Variants in PCDH9 observed in about 807,000 individuals in gnomAD.
PCDH9 encodes the protein protocadherin 9, also known as protocadherin-9.
PCDH9 carries 24 observed loss-of-function variants against 70.6 expected under a neutral mutation model. The observed-to-expected ratio is 0.34, with a 90% CI of 0.25 to 0.48. The LOEUF (loss-of-function observed/expected upper bound fraction) is 0.48. PCDH9 is among the 20% of genes least tolerant of loss of function. The pLI is 0.99. For missense variants in PCDH9, 1,281 were observed against 1,503.6 expected, an observed-to-expected ratio of 0.85 and a Z score of 2.45; for synonymous variants, 562 against 558.5, an observed-to-expected ratio of 1.01 and a Z score of -0.09.
chr13:66,324,154 C>G (rs1955801361), intron 4 of PCDH9, among the ~76,000 whole-genome samples: 1 of 151,850 alleles, frequency 6.6e-6, no homozygotes, highest in Non-Finnish European at 1.5e-5. Context: ...TACTGTAGAC[C>G]AAGACAGCAA....
intron 2 of PCDH9, among the ~76,000 whole-genome samples, chr13:66,960,446 C>G (rs1193351580): frequency 1.3e-5 from 2 of 152,036 alleles, no homozygotes; most frequent in Admixed American, 6.5e-5. Flanking sequence ...ATAAAAAATT[C>G]ATGATGGAAA....
intron 2 of PCDH9, among the ~76,000 whole-genome samples, chr13:66,967,391 G>A (rs993882455): frequency 6.6e-6 from 1 of 151,984 alleles, no homozygotes. Flanking sequence ...AAATTTGAAA[G>A]TTAGTTCCTC....
chr13:66,730,897 T>TTTTG (rs1555262884), intron 3 of PCDH9, among the ~76,000 whole-genome samples: 77 of 129,112 alleles, frequency 6.0e-4, no homozygotes, highest in South Asian at 1.2e-3. Flanking sequence ...GTTTGTTTCT[T>TTTTG]TTTTTTTGTG....
At chr13:66,934,001 T>C (rs2082861703) in intron 2 of PCDH9, among the ~76,000 whole-genome samples, 1 of 151,724 alleles carries the variant, frequency 6.6e-6, no homozygotes, top group African/African-American at 2.4e-5. Context: ...AATTAATCAA[T>C]TTTTCAATGT....
At chr13:66,395,746 A>G (rs1301762033) in intron 4 of PCDH9, among the ~76,000 whole-genome samples, 1 of 152,192 alleles carries the variant, frequency 6.6e-6, no homozygotes, top group Non-Finnish European at 1.5e-5. Context: ...AAACCAAAAC[A>G]TCATTATGCA....
intron 3 of PCDH9, among the ~76,000 whole-genome samples, chr13:66,811,806 C>A (rs2080513079): frequency 6.6e-6 from 1 of 150,774 alleles, no homozygotes; most frequent in African/African-American, 2.4e-5. Context: ...CTCCTTCTTT[C>A]CTTCTTCCTT....
intron 3 of PCDH9, among the ~76,000 whole-genome samples, chr13:66,651,820 G>T (rs189264465): frequency 3.3e-4 from 50 of 152,166 alleles, no homozygotes; most frequent in Non-Finnish European, 6.3e-4. Flanking sequence ...TTATGACCCA[G>T]TGAGATTTAT....
chr13:67,041,200 C>T (rs1185769860), intron 2 of PCDH9, among the ~76,000 whole-genome samples: 1 of 151,920 alleles, frequency 6.6e-6, no homozygotes, highest in Non-Finnish European at 1.5e-5. Flanking sequence ...GATTTGCATC[C>T]CAGGAGAGAT....
chr13:67,027,680 G>T (rs1295355165), intron 2 of PCDH9, among the ~76,000 whole-genome samples: 2 of 149,952 alleles, frequency 1.3e-5, no homozygotes, highest in Non-Finnish European at 3.0e-5. Flanking sequence ...CTGACAAAGG[G>T]CTAATATCCA....
intron 3 of PCDH9, among the ~76,000 whole-genome samples, chr13:66,721,126 A>G (rs2078936317): frequency 6.6e-6 from 1 of 152,220 alleles, no homozygotes; most frequent in African/African-American, 2.4e-5. Context: ...AAGTGCTTTT[A>G]ATGAAGTATG....
At chr13:66,378,129 T>C (rs1324733190) in intron 4 of PCDH9, among the ~76,000 whole-genome samples, 1 of 152,212 alleles carries the variant, frequency 6.6e-6, no homozygotes, top group Non-Finnish European at 1.5e-5. Context: ...GGGTTGATCA[T>C]AGAAATAACT....
chr13:66,813,771 C>T (rs866350699), intron 3 of PCDH9, among the ~76,000 whole-genome samples: 2 of 151,974 alleles, frequency 1.3e-5, no homozygotes, highest in African/African-American at 2.4e-5. Flanking sequence ...AATGGTCCTT[C>T]GAGTATTCTT....
At chr13:67,150,654 A>C (rs2087634537) in intron 2 of PCDH9, among the ~76,000 whole-genome samples, 1 of 152,220 alleles carries the variant, frequency 6.6e-6, no homozygotes, top group South Asian at 2.1e-4. Context: ...TATATCCAGA[A>C]GTGAGAACAA....
chr13:66,525,652 C>G (rs1241165324), intron 4 of PCDH9, among the ~76,000 whole-genome samples: 1 of 152,102 alleles, frequency 6.6e-6, no homozygotes, highest in Non-Finnish European at 1.5e-5. Flanking sequence ...AAACATTTGT[C>G]TACATTGAAT....
chr13:66,517,822 G>A (rs1344092516), intron 4 of PCDH9, among the ~76,000 whole-genome samples: 1 of 151,666 alleles, frequency 6.6e-6, no homozygotes, highest in Non-Finnish European at 1.5e-5. Context: ...TTAAAATTTT[G>A]TGCTGCAATA....
At position 66,786,445 on chromosome 13, in the gene PCDH9, G is replaced by T. The variant is rs1381738071; in HGVS notation, c.3138+117059C>A. 2.6e-5 allele frequency among the ~76,000 whole-genome samples: 4 copies of T among 152,140 alleles called. No homozygotes were observed. The East Asian group carries it at 7.7e-4, about 29-fold the overall frequency. On this transcript the variant is annotated intron_variant, in intron 3 of 4. Coordinates refer to ENST00000377865, the MANE Select transcript of PCDH9 (RefSeq NM_203487.3). ...ATGCATCAAGAAAACTGTCCCAATT[G>T]TCACTTGCATTCATCTTGAATGAAA...
chr13:66,978,823 T>A (rs2083676877), intron 2 of PCDH9, among the ~76,000 whole-genome samples: 1 of 150,496 alleles, frequency 6.6e-6, no homozygotes, highest in African/African-American at 2.4e-5. Flanking sequence ...TATGTGTGTA[T>A]ATATATGAAT....
intron 2 of PCDH9, among the ~76,000 whole-genome samples, chr13:67,107,032 A>T (rs1158559410): frequency 6.6e-6 from 1 of 152,150 alleles, no homozygotes; most frequent in Non-Finnish European, 1.5e-5. Context: ...CACCATGGAC[A>T]TGATTGATGG....
chr13:66,626,144 G>A (rs113894148), intron 4 of PCDH9, among the ~76,000 whole-genome samples: 1,863 of 152,188 alleles, frequency 0.012, 38 homozygotes, highest in African/African-American at 0.042. Context: ...AAATCATTGG[G>A]AGTCTTTGAT....
Sources: allele counts gnomAD v4.1 joint callset (sites outside exome capture counted in the v4.1 genomes callset), GRCh38; gene constraint gnomAD v4.1.1; transcripts MANE v1.5; gene names NCBI Gene and HGNC (gene_info 2026-07-23, HGNC 2026-07-21).